OBP2B: variants seen among roughly 807,000 people sequenced by gnomAD.
The protein encoded by OBP2B is odorant binding protein 2B.
A neutral mutation model predicts 21.7 loss-of-function variants in OBP2B; 10 were observed. That is an observed-to-expected ratio of 0.46 (90% confidence interval 0.28 to 0.78). OBP2B has a LOEUF of 0.78. OBP2B is among the 30% of genes least tolerant of loss of function. The pLI is 0.11. For synonymous variants in OBP2B, 73 were observed against 91.5 expected (o/e 0.80, Z 1.16); for missense variants, 153 against 217.7 (o/e 0.70, Z 1.87).
the OBP2B span, among the ~76,000 whole-genome samples, chr9:133,219,638 C>A: frequency 4.3e-4 from 66 of 152,270 alleles, no homozygotes; most frequent in South Asian, 7.9e-3. Flanking sequence ...GGATGTGGAG[C>A]AATTAGAACC....
At position 133,208,404 on chromosome 9, in the gene OBP2B, C is replaced by A. The variant is rs560960314; in HGVS notation, c.206+65G>T. Reference sequence around the variant, plus strand: ...CCCGAAACGTGGATGGGGCAATGGGCACCAGGTGGATCTGGGGAGGGGAGC... The same window carrying A: ...CCCGAAACGTGGATGGGGCAATGGGAACCAGGTGGATCTGGGGAGGGGAGC... On this transcript the variant is annotated intron_variant, in intron 2 of 6. Transcript: ENST00000372034. 2,295 of 1,595,224 alleles carry A rather than the reference C, an allele frequency of 1.4e-3. 44 individuals carry two copies. The highest frequency in any genetic ancestry group is 5.8e-4 in the East Asian group (26 of 44,584).
the OBP2B span, among the ~76,000 whole-genome samples, chr9:133,220,836 G>T: frequency 1.3e-5 from 2 of 152,194 alleles, no homozygotes; most frequent in Non-Finnish European, 2.9e-5. Flanking sequence ...AGAGAGGCTG[G>T]GGAGCGAGGG....
intron 3 of OBP2B, 100 bp downstream of exon 3, chr9:133,208,033 C>T: frequency 6.7e-7 from 1 of 1,484,790 alleles, no homozygotes; most frequent in Middle Eastern, 1.7e-4. Context: ...GAGCTGGGGC[C>T]CTGGCAAAAG....
chr9:133,207,972 G>A (rs550710530), intron 3 of OBP2B, 161 bp downstream of exon 3: 1 of 1,529,806 alleles, frequency 6.5e-7, no homozygotes, highest in East Asian at 2.4e-5. Context: ...CTGATGTCAG[G>A]GCCACCAGCC....
intron 4 of OBP2B, 52 bp downstream of exon 4, chr9:133,207,174 C>T: frequency 1.6e-6 from 2 of 1,272,068 alleles, no homozygotes; most frequent in Non-Finnish European, 2.3e-6. Flanking sequence ...CCACCGGCTT[C>T]CAGAGGCAGA....
chr9:133,207,381 G>A (rs1227412861), intron 3 of OBP2B, 45 bp from the exon 4 acceptor site: 4 of 1,275,760 alleles, frequency 3.1e-6, no homozygotes, highest in South Asian at 1.2e-5. Context: ...GAGAACACTC[G>A]GGGCCACATG....
chr9:133,221,413 G>A, the OBP2B span, among the ~76,000 whole-genome samples: 12 of 152,300 alleles, frequency 7.9e-5, no homozygotes, highest in Middle Eastern at 0.01. Context: ...AGGGCATCTC[G>A]TCGATAGAAA....
intron 4 of OBP2B, 143 bp downstream of exon 4, chr9:133,207,083 G>A: frequency 1.6e-6 from 1 of 636,350 alleles, no homozygotes; most frequent in South Asian, 1.8e-5. Flanking sequence ...ACTTGGACCG[G>A]CTGCCCAGCG....
In OBP2B at chr9:133,208,193, T is replaced by G. The variant is rs2073870; in HGVS notation, c.217A>C (p.Arg73=). The G allele has an allele frequency of 0.82, 1,307,235 of 1,601,310 alleles. 534,127 individuals carry two copies. The highest frequency in any genetic ancestry group is 0.84 in the Non-Finnish European group (991,460 of 1,173,836). ...EATFTFMRED[R]CIQKKILMRK... is the part of the protein sequence containing the mutation. ...ATCAGGATTTTCTTCTGGATGCACC[T>G]ATCCTCCCTCCTGGAAAACAGGAGA... is the stretch of plus-strand genomic sequence containing the variant. Residue 73 remains arginine, a synonymous_variant, in exon 3 of 7, where the codon AGG becomes CGG. Transcript: ENST00000372034.
the OBP2B span, among the ~76,000 whole-genome samples, chr9:133,220,373 C>A: frequency 1.3e-5 from 2 of 152,244 alleles, no homozygotes. Context: ...CCCTGAGCTG[C>A]GCTCCATTAG....
upstream of OBP2B, chr9:133,209,337 G>A (rs570740240): frequency 5.7e-5 from 45 of 789,290 alleles, no homozygotes; most frequent in African/African-American, 6.9e-4. The surrounding 1 kb of genome is among the most constrained non-coding windows in gnomAD (Gnocchi z 6.0). Context: ...CCTCCCCATG[G>A]TGGCAACCAG....
chr9:133,207,914 C>G, intron 3 of OBP2B: 1 of 1,533,148 alleles, frequency 6.5e-7, no homozygotes. Context: ...AGAGGGCAGG[C>G]GTGATCTGGT....
At chr9:133,211,625 C>T (rs539236860), upstream of OBP2B, among the ~76,000 whole-genome samples, 4 of 152,326 alleles carry the variant, frequency 2.6e-5, no homozygotes, top group East Asian at 5.8e-4. Flanking sequence ...CTAAGTGGAA[C>T]AATCAAATAT....
chr9:133,221,396 T>C, the OBP2B span, among the ~76,000 whole-genome samples: 1 of 152,178 alleles, frequency 6.6e-6, no homozygotes, highest in Admixed American at 6.5e-5. Flanking sequence ...TGTGCACAGA[T>C]GCAGGGAGGG....
chr9:133,217,532 G>A, the OBP2B span, among the ~76,000 whole-genome samples: 7 of 152,294 alleles, frequency 4.6e-5, no homozygotes, highest in South Asian at 2.1e-4. Flanking sequence ...GGCACAAGTC[G>A]GGGACGTCTG....
the OBP2B span, among the ~76,000 whole-genome samples, chr9:133,217,323 G>C: frequency 6.6e-6 from 1 of 152,156 alleles, no homozygotes; most frequent in Non-Finnish European, 1.5e-5. Context: ...CTTGCCTCCA[G>C]CTCCACACGT....
the OBP2B span, among the ~76,000 whole-genome samples, chr9:133,218,408 A>G: frequency 6.6e-6 from 1 of 152,220 alleles, no homozygotes. Flanking sequence ...GCAAGCTGTG[A>G]CTTACGTATT....
intron 3 of OBP2B, 40 bp downstream of exon 3, chr9:133,208,092 CG>C (rs1221236797): frequency 2.8e-6 from 3 of 1,056,398 alleles, no homozygotes; most frequent in Middle Eastern, 3.7e-4. Context: ...CTGGGGTTGG[CG>C]GTGGGGGAGG....
chr9:133,209,898 C>G (rs1380213666), upstream of OBP2B, among the ~76,000 whole-genome samples: 8 of 152,216 alleles, frequency 5.3e-5, no homozygotes, highest in African/African-American at 9.7e-5. The surrounding 1 kb of genome is among the most constrained non-coding windows in gnomAD (Gnocchi z 6.0). Context: ...CACTCCGTAC[C>G]GGAGCCTGGC....
Sources: allele counts gnomAD v4.1 joint callset (sites outside exome capture counted in the v4.1 genomes callset), GRCh38; gene constraint gnomAD v4.1.1; non-coding constraint Gnocchi (gnomAD v3.1); transcripts MANE v1.5; gene names NCBI Gene and HGNC (gene_info 2026-07-23, HGNC 2026-07-21).